The following UNC79 variants were observed in gnomAD, a reference collection of about 807,000 sequenced individuals.
UNC79 encodes the protein protein unc-79 homolog.
In UNC79, 37 loss-of-function variants were observed where a neutral mutation model predicts 283.1. The observed-to-expected ratio is 0.13, with a 90% CI of 0.10 to 0.17. The LOEUF (loss-of-function observed/expected upper bound fraction) is 0.17, where lower values mean the gene tolerates loss of function less well. UNC79 is among the 10% of genes least tolerant of loss of function. The pLI, the probability that UNC79 is intolerant of heterozygous loss-of-function variation, is 1.00. For synonymous variants in UNC79, 1,107 were observed against 1,200.2 expected (o/e 0.92, Z 1.61); for missense variants, 2,272 against 3,211.1 (o/e 0.71, Z 7.07).
At chr14:93,415,912 T>G (rs2055443914) in intron 1 of UNC79, among the ~76,000 whole-genome samples, 1 of 152,220 alleles carries the variant, frequency 6.6e-6, no homozygotes, top group African/African-American at 2.4e-5. Context: ...CTTCTATCTT[T>G]TCTTCTTTAT....
At chr14:93,360,114 C>T (rs2054189218) in intron 1 of UNC79, among the ~76,000 whole-genome samples, 1 of 152,138 alleles carries the variant, frequency 6.6e-6, no homozygotes, top group Admixed American at 6.5e-5. Flanking sequence ...TGGTCTCATC[C>T]TGTGGTCATT....
intron 47 of UNC79, among the ~76,000 whole-genome samples, chr14:93,703,159 C>A (rs2075653184): frequency 6.6e-6 from 1 of 152,120 alleles, no homozygotes; most frequent in Admixed American, 6.5e-5. Context: ...CCCTCCCCGA[C>A]TCTCTGCACA....
chr14:93,433,579 C>T (rs2055964455), intron 1 of UNC79, among the ~76,000 whole-genome samples: 1 of 151,944 alleles, frequency 6.6e-6, no homozygotes, highest in South Asian at 2.1e-4. Flanking sequence ...GGTGTGAAGA[C>T]TACTGGATAA....
chr14:93,698,811 T>A (rs892225807), intron 47 of UNC79, among the ~76,000 whole-genome samples: 2 of 152,174 alleles, frequency 1.3e-5, no homozygotes, highest in Non-Finnish European at 2.9e-5. Flanking sequence ...GTGATGGATA[T>A]GTTCGTTATC....
intron 35 of UNC79, among the ~76,000 whole-genome samples, chr14:93,649,338 A>G (rs987808084): frequency 3.9e-5 from 6 of 152,216 alleles, no homozygotes; most frequent in African/African-American, 1.2e-4. Flanking sequence ...GATTTTAAAC[A>G]TACTGCAAAG....
intron 1 of UNC79, among the ~76,000 whole-genome samples, chr14:93,362,855 GTT>G (rs1480137212): frequency 6.6e-6 from 1 of 151,984 alleles, no homozygotes; most frequent in Non-Finnish European, 1.5e-5. Context: ...TTCTGCTTGG[GTT>G]TATTTAGGTC....
At chr14:93,361,751 G>A (rs1171393513) in intron 1 of UNC79, among the ~76,000 whole-genome samples, 1 of 152,044 alleles carries the variant, frequency 6.6e-6, no homozygotes, top group Admixed American at 6.5e-5. Context: ...TGGTGGGAGT[G>A]GGCATCCTTG....
chr14:93,660,552 T>TGC (rs2071453824), intron 39 of UNC79, among the ~76,000 whole-genome samples: 1 of 123,090 alleles, frequency 8.1e-6, no homozygotes, highest in Non-Finnish European at 1.6e-5. Context: ...TATATATATA[T>TGC]ATATATATAT....
intron 20 of UNC79, among the ~76,000 whole-genome samples, chr14:93,582,804 G>A (rs1449214606): frequency 6.6e-6 from 1 of 152,120 alleles, no homozygotes; most frequent in Non-Finnish European, 1.5e-5. Context: ...AAAGCTCTTG[G>A]GTGGACGCAA....
At chr14:93,535,471 C>T (rs1007961204) in intron 11 of UNC79, among the ~76,000 whole-genome samples, 2 of 152,108 alleles carry the variant, frequency 1.3e-5, no homozygotes, top group African/African-American at 2.4e-5. Flanking sequence ...AAATTTACAT[C>T]GTAAAACAGC....
chr14:93,417,196 AG>A (rs1479263426), intron 1 of UNC79, among the ~76,000 whole-genome samples: 1 of 151,512 alleles, frequency 6.6e-6, no homozygotes, highest in Non-Finnish European at 1.5e-5. Flanking sequence ...TTCCTTCAGG[AG>A]CTCTTTTAGG....
intron 1 of UNC79, among the ~76,000 whole-genome samples, chr14:93,383,954 C>T (rs1252632811): frequency 6.6e-6 from 1 of 152,170 alleles, no homozygotes; most frequent in African/African-American, 2.4e-5. Flanking sequence ...CTTGCTCCTC[C>T]TTGCCTTTTA....
At chr14:93,404,493 A>AAAAAAAAAAAAAAATATATAT in intron 1 of UNC79, among the ~76,000 whole-genome samples, 1 of 61,498 alleles carries the variant, frequency 1.6e-5, no homozygotes, top group Non-Finnish European at 3.2e-5. Flanking sequence ...TTCTAAAAAA[A>AAAAAAAAAAAAAAATATATAT]ATATATATAT....
chr14:93,433,557 T>C (rs966480250), intron 1 of UNC79, among the ~76,000 whole-genome samples: 4 of 152,214 alleles, frequency 2.6e-5, no homozygotes, highest in East Asian at 1.9e-4. Context: ...AATTTTTTTT[T>C]TTCTTCTACT....
At chr14:93,336,857 T>C (rs960660848) in intron 1 of UNC79, among the ~76,000 whole-genome samples, 5 of 152,302 alleles carry the variant, frequency 3.3e-5, no homozygotes, top group East Asian at 3.9e-4. Context: ...CCAAATCTCA[T>C]GTTGAAATGT....
chr14:93,597,214 T>C, intron 23 of UNC79, 145 bp from the exon 24 acceptor site: 1 of 765,002 alleles, frequency 1.3e-6, no homozygotes, highest in Non-Finnish European at 2.1e-6. Context: ...ACTTTCCTGT[T>C]GGGATTTAAA....
At chr14:93,481,600 A>G (rs2140401621) in intron 4 of UNC79, among the ~76,000 whole-genome samples, 1 of 152,204 alleles carries the variant, frequency 6.6e-6, no homozygotes, top group South Asian at 2.1e-4. Flanking sequence ...TCAAAAAGTC[A>G]CTTACCTTCA....
intron 20 of UNC79, among the ~76,000 whole-genome samples, chr14:93,584,691 A>T (rs1453105011): frequency 1.3e-5 from 2 of 152,040 alleles, no homozygotes; most frequent in East Asian, 3.9e-4. Context: ...AAATTAAGCA[A>T]TTTCTTTTTT....
At chr14:93,613,691 G>A (rs1038844747) in intron 27 of UNC79, among the ~76,000 whole-genome samples, 1 of 152,166 alleles carries the variant, frequency 6.6e-6, no homozygotes, top group African/African-American at 2.4e-5. Context: ...TGGGATTACA[G>A]GCGTGAGCCA....
Sources: allele counts gnomAD v4.1 joint callset (sites outside exome capture counted in the v4.1 genomes callset), GRCh38; gene constraint gnomAD v4.1.1; transcripts MANE v1.5; gene names NCBI Gene and HGNC (gene_info 2026-07-23, HGNC 2026-07-21).